PTK2: variants seen among roughly 807,000 people sequenced by gnomAD.
PTK2 encodes focal adhesion kinase 1.
Under a neutral mutation model 150.1 loss-of-function variants are expected in PTK2, and 45 were observed. The ratio of observed to expected loss-of-function variants is 0.30; its 90% CI spans 0.24 to 0.38. The LOEUF is 0.38. Ranked by LOEUF, PTK2 falls within the 10% of genes least tolerant of loss-of-function variation. PTK2 has a pLI of 1.00. For synonymous variants in PTK2, 432 were observed against 449.2 expected (o/e 0.96, Z 0.48); for missense variants, 919 against 1,307.3 (o/e 0.70, Z 4.58).
chr8:140,862,456 G>C (rs1395742332), intron 5 of PTK2, among the ~76,000 whole-genome samples: 1 of 152,148 alleles, frequency 6.6e-6, no homozygotes, highest in Non-Finnish European at 1.5e-5. Flanking sequence ...AGCTCAGCTG[G>C]AATCTAAAAA....
chr8:140,772,719 C>T (rs1453201467), intron 14 of PTK2, among the ~76,000 whole-genome samples: 2 of 151,984 alleles, frequency 1.3e-5, no homozygotes, highest in Non-Finnish European at 2.9e-5. Context: ...ACAACAACAA[C>T]AACAACAAAA....
At chr8:140,915,143 G>C (rs1369552752) in intron 2 of PTK2, among the ~76,000 whole-genome samples, 1 of 152,030 alleles carries the variant, frequency 6.6e-6, no homozygotes, top group East Asian at 1.9e-4. Context: ...TTCACTGAGG[G>C]ACAGCAGCTA....
In PTK2 at chr8:140,812,819, C is replaced by T. The variant is rs145551160; in HGVS notation, c.867+5458G>A. 4.9e-3 allele frequency among the ~76,000 whole-genome samples: 739 copies of T among 152,202 alleles called. 2 individuals carry two copies. Among genetic ancestry groups the T allele is most frequent in the Middle Eastern group, 0.017 (5 of 294 alleles). ...CATAATGGTAAAGGGTTCAATCCAA[C>T]GAGAAGGCCTAACTATCCTAAATAT... On this transcript the variant is annotated intron_variant, in intron 10 of 31. Coordinates refer to ENST00000522684, the Ensembl canonical transcript of PTK2.
At chr8:140,808,733 G>GTTTTTTT (rs57600032) in intron 10 of PTK2, among the ~76,000 whole-genome samples, 31 of 116,568 alleles carry the variant, frequency 2.7e-4, no homozygotes, top group African/African-American at 6.2e-4. Context: ...TTTTGTTCTT[G>GTTTTTTT]TTTTTTTTTT....
intron 25 of PTK2, among the ~76,000 whole-genome samples, chr8:140,701,999 G>A (rs534062547): frequency 2.6e-5 from 4 of 151,362 alleles, no homozygotes; most frequent in Admixed American, 6.6e-5. Flanking sequence ...GTGGTGGCTC[G>A]CACTTGTAAT....
At chr8:140,759,551 A>AAAAAG (rs2100068073) in intron 16 of PTK2, among the ~76,000 whole-genome samples, 4 of 150,452 alleles carry the variant, frequency 2.7e-5, no homozygotes, top group African/African-American at 9.8e-5. Context: ...AAAAAAAAAA[A>AAAAAG]AAAGAAAGAA....
chr8:140,874,829 A>C (rs2100144608), intron 4 of PTK2, among the ~76,000 whole-genome samples: 1 of 152,194 alleles, frequency 6.6e-6, no homozygotes, highest in African/African-American at 2.4e-5. Context: ...TTTCTAAACC[A>C]TCAAATTACT....
intron 23 of PTK2, among the ~76,000 whole-genome samples, chr8:140,709,377 CAA>C (rs1038501721): frequency 6.6e-6 from 1 of 152,142 alleles, no homozygotes; most frequent in African/African-American, 2.4e-5. Flanking sequence ...TTATGATAGA[CAA>C]AATATTTGCA....
intron 22 of PTK2, among the ~76,000 whole-genome samples, chr8:140,726,557 A>T (rs2100045941): frequency 6.6e-6 from 1 of 152,166 alleles, no homozygotes; most frequent in Non-Finnish European, 1.5e-5. Context: ...ATGGCCAGTG[A>T]CTTCTCATTA....
chr8:140,908,657 C>A (rs1484386052), intron 2 of PTK2, among the ~76,000 whole-genome samples: 1 of 152,076 alleles, frequency 6.6e-6, no homozygotes, highest in Non-Finnish European at 1.5e-5. Context: ...GCTAAATCCA[C>A]TGTGCCTGTG....
At chr8:140,839,135 G>GCA (rs1328756267) in intron 7 of PTK2, among the ~76,000 whole-genome samples, 1 of 152,082 alleles carries the variant, frequency 6.6e-6, no homozygotes, top group Non-Finnish European at 1.5e-5. Flanking sequence ...GACGCCCCCA[G>GCA]CACACACACA....
chr8:140,744,351 A>G (rs1325635832), intron 19 of PTK2, among the ~76,000 whole-genome samples: 2 of 152,146 alleles, frequency 1.3e-5, no homozygotes, highest in Non-Finnish European at 2.9e-5. Flanking sequence ...GTGTTTGTGT[A>G]GGGAATAAGT....
At chr8:140,802,282 G>A (rs1384560257) in intron 11 of PTK2, among the ~76,000 whole-genome samples, 1 of 151,938 alleles carries the variant, frequency 6.6e-6, no homozygotes, top group Non-Finnish European at 1.5e-5. Flanking sequence ...TAGCGTGTAT[G>A]TTTGTGTCTT....
intron 16 of PTK2, among the ~76,000 whole-genome samples, chr8:140,758,503 T>C (rs1345512444): frequency 2.6e-5 from 4 of 152,058 alleles, no homozygotes; most frequent in Non-Finnish European, 5.9e-5. Context: ...GGAGATGACA[T>C]CTCCATGCAC....
chr8:140,738,561 T>C (rs1217623397), intron 21 of PTK2, among the ~76,000 whole-genome samples: 1 of 152,062 alleles, frequency 6.6e-6, no homozygotes, highest in African/African-American at 2.4e-5. Flanking sequence ...CTTCCAAGTC[T>C]TGAGATAGGT....
At chr8:140,941,353 G>T (rs1212648690) in intron 1 of PTK2, among the ~76,000 whole-genome samples, 2 of 152,198 alleles carry the variant, frequency 1.3e-5, no homozygotes, top group African/African-American at 4.8e-5. Context: ...ATAGTTCTCT[G>T]CAGAGGCTGT....
intron 14 of PTK2, among the ~76,000 whole-genome samples, chr8:140,787,955 C>T (rs1290815614): frequency 6.6e-6 from 1 of 152,222 alleles, no homozygotes; most frequent in Non-Finnish European, 1.5e-5. Flanking sequence ...CTCCAGACTC[C>T]TGTGACTGTA....
At position 140,864,415 on chromosome 8, in the gene PTK2, A is replaced by G. The variant is rs762220966; in HGVS notation, c.363-16T>C. ...CAATTCATATCTAAAAATAATTCAC[A>G]AAACAGAACAATTAGAAATCAGTCA... On this transcript the variant is annotated splice_polypyrimidine_tract_variant and intron_variant, in intron 4 of 31. Transcript: ENST00000522684. The G allele has an allele frequency of 3.0e-5, 43 of 1,413,560 alleles. No homozygotes were observed. The highest frequency in any genetic ancestry group is 4.2e-5 in the Non-Finnish European group (43 of 1,013,976). The allele number at this position is 1,413,560 out of a possible 1,614,324, so 87.6% of individuals were successfully genotyped here.
intron 18 of PTK2, 50 bp downstream of exon 21, chr8:140,746,710 A>G: frequency 1.4e-6 from 2 of 1,395,870 alleles, no homozygotes; most frequent in East Asian, 2.3e-5. Context: ...TTCTTAAGCA[A>G]AAGATATCAA....
Sources: allele counts gnomAD v4.1 joint callset (sites outside exome capture counted in the v4.1 genomes callset), GRCh38; gene constraint gnomAD v4.1.1; transcripts MANE v1.5; gene names NCBI Gene and HGNC (gene_info 2026-07-23, HGNC 2026-07-21).